TBC1D22A: variants seen among roughly 807,000 people sequenced by gnomAD.
TBC1D22A encodes putative GTPase activator.
Under a neutral mutation model 60.2 loss-of-function variants are expected in TBC1D22A, and 38 were observed. The observed-to-expected ratio is 0.63, with a 90% CI of 0.49 to 0.83. The LOEUF is 0.83. Among genes scored for constraint, TBC1D22A ranks in the 40% least tolerant of loss-of-function variants. The probability of loss-of-function intolerance (pLI) is 0.00; values close to 1 mark genes in which losing one functional copy is unlikely to be tolerated. For missense variants in TBC1D22A, 628 were observed against 701.0 expected, an observed-to-expected ratio of 0.90 and a Z score of 1.18; for synonymous variants, 302 against 281.7, an observed-to-expected ratio of 1.07 and a Z score of -0.72.
chr22:46,804,077 C>T (rs2085022457), intron 4 of TBC1D22A, among the ~76,000 whole-genome samples: 1 of 152,234 alleles, frequency 6.6e-6, no homozygotes, highest in Non-Finnish European at 1.5e-5. Flanking sequence ...GGCAGCTCAG[C>T]AGCAATGCGA....
At chr22:47,130,088 G>A (rs535667865) in intron 12 of TBC1D22A, among the ~76,000 whole-genome samples, 37 of 152,296 alleles carry the variant, frequency 2.4e-4, no homozygotes, top group Admixed American at 2.2e-3. Flanking sequence ...CGTCACTGCC[G>A]CTGAGTCACC....
chr22:46,955,908 C>T (rs186258178), intron 8 of TBC1D22A, among the ~76,000 whole-genome samples: 3 of 152,254 alleles, frequency 2.0e-5, no homozygotes, highest in Non-Finnish European at 4.4e-5. Context: ...CCTGTGGAGG[C>T]AAATGTTTGC....
chr22:46,811,614 G>A (rs1014375877), intron 4 of TBC1D22A, among the ~76,000 whole-genome samples: 19 of 152,328 alleles, frequency 1.2e-4, no homozygotes, highest in Non-Finnish European at 1.9e-4. Flanking sequence ...TGCTGAGCGC[G>A]TTGTGTGCAG....
intron 10 of TBC1D22A, among the ~76,000 whole-genome samples, chr22:47,027,655 C>T (rs536454510): frequency 1.3e-5 from 2 of 152,320 alleles, no homozygotes; most frequent in Admixed American, 1.3e-4. Flanking sequence ...CACAGAGCGT[C>T]TTTGTGTGAC....
At chr22:46,917,649 C>G (rs1191892863) in intron 8 of TBC1D22A, among the ~76,000 whole-genome samples, 1 of 152,080 alleles carries the variant, frequency 6.6e-6, no homozygotes, top group African/African-American at 2.4e-5. Context: ...TGTTGGGATC[C>G]GGGCCTTGGC....
At chr22:47,141,932 A>G (rs1054767733) in intron 12 of TBC1D22A, among the ~76,000 whole-genome samples, 6 of 152,178 alleles carry the variant, frequency 3.9e-5, no homozygotes, top group African/African-American at 1.2e-4. Flanking sequence ...TCTGGCATGA[A>G]ACGTATTTGG....
chr22:46,861,131 A>T (rs2087858256), intron 4 of TBC1D22A, among the ~76,000 whole-genome samples: 1 of 151,730 alleles, frequency 6.6e-6, no homozygotes, highest in African/African-American at 2.4e-5. Flanking sequence ...TTAATTTTTT[A>T]TTTTTTTGTA....
At chr22:46,829,737 T>G (rs1433328993) in intron 4 of TBC1D22A, among the ~76,000 whole-genome samples, 1 of 152,246 alleles carries the variant, frequency 6.6e-6, no homozygotes, top group Non-Finnish European at 1.5e-5. Flanking sequence ...AAAGGTCTTC[T>G]GGCTCTTAGT....
chr22:46,834,528 C>T (rs2086439505), intron 4 of TBC1D22A, among the ~76,000 whole-genome samples: 1 of 152,214 alleles, frequency 6.6e-6, no homozygotes, highest in Admixed American at 6.5e-5. Context: ...ATAGTGAACA[C>T]CCAGTGACCC....
intron 8 of TBC1D22A, among the ~76,000 whole-genome samples, chr22:46,965,147 T>G (rs1357852384): frequency 1.3e-5 from 2 of 152,244 alleles, no homozygotes; most frequent in Non-Finnish European, 2.9e-5. Context: ...GTTAGCACTT[T>G]GGGATGCTAG....
At chr22:46,986,858 A>G (rs1036844501) in intron 9 of TBC1D22A, among the ~76,000 whole-genome samples, 6 of 152,132 alleles carry the variant, frequency 3.9e-5, no homozygotes, top group Non-Finnish European at 5.9e-5. Flanking sequence ...CTGTCAGGGC[A>G]TGGTGTGGAC....
chr22:46,841,047 GGTGTGTGTGT>G (rs56029066), intron 4 of TBC1D22A, among the ~76,000 whole-genome samples: 1 of 147,438 alleles, frequency 6.8e-6, no homozygotes, highest in African/African-American at 2.5e-5. Context: ...AATGAAAATG[GGTGTGTGTGT>G]GTGTGTGTGT....
intron 12 of TBC1D22A, among the ~76,000 whole-genome samples, chr22:47,155,160 G>T (rs1239370599): frequency 6.6e-6 from 1 of 152,078 alleles, no homozygotes; most frequent in Non-Finnish European, 1.5e-5. Flanking sequence ...GCTCCATGCC[G>T]AGCCCATGTT....
At chr22:46,891,432 T>G in intron 6 of TBC1D22A, 38 bp downstream of exon 6, 9 of 1,566,972 alleles carry the variant, frequency 5.7e-6, no homozygotes, top group Non-Finnish European at 7.8e-6. Context: ...TTGCCTGATG[T>G]ACTTTGCTTT....
chr22:47,104,805 C>T (rs907000554), intron 11 of TBC1D22A, among the ~76,000 whole-genome samples: 2 of 151,966 alleles, frequency 1.3e-5, no homozygotes, highest in African/African-American at 2.4e-5. Context: ...TTTATCTTAA[C>T]CTGGACATTT....
intron 11 of TBC1D22A, among the ~76,000 whole-genome samples, chr22:47,086,186 C>G (rs376971758): frequency 1.3e-5 from 2 of 152,296 alleles, no homozygotes; most frequent in East Asian, 1.9e-4. Context: ...CATGGCTGGC[C>G]GAGCGCGGTG....
intron 8 of TBC1D22A, among the ~76,000 whole-genome samples, chr22:46,934,656 C>T (rs1175988536): frequency 6.6e-6 from 1 of 152,198 alleles, no homozygotes; most frequent in African/African-American, 2.4e-5. Flanking sequence ...GAGGGTGAGG[C>T]GCGTCCATGC....
At chr22:46,812,915 G>A (rs1446892462) in intron 4 of TBC1D22A, among the ~76,000 whole-genome samples, 2 of 152,128 alleles carry the variant, frequency 1.3e-5, no homozygotes, top group African/African-American at 4.8e-5. Flanking sequence ...TTTCCATGCT[G>A]CAGTTGATCT....
At chr22:47,139,569 G>A (rs1026135371) in intron 12 of TBC1D22A, among the ~76,000 whole-genome samples, 1 of 152,218 alleles carries the variant, frequency 6.6e-6, no homozygotes, top group Non-Finnish European at 1.5e-5. Context: ...TCCCCCTCCT[G>A]TGTTCTCATG....
Sources: allele counts gnomAD v4.1 joint callset (sites outside exome capture counted in the v4.1 genomes callset), GRCh38; gene constraint gnomAD v4.1.1; transcripts MANE v1.5; gene names NCBI Gene and HGNC (gene_info 2026-07-23, HGNC 2026-07-21).